TRIOBP: variants seen among roughly 807,000 people sequenced by gnomAD.
The protein encoded by TRIOBP is TRIO and F-actin-binding protein.
TRIOBP carries 169 observed loss-of-function variants against 238.8 expected under a neutral mutation model. That is an observed-to-expected ratio of 0.71 (90% CI 0.62 to 0.80). The LOEUF is 0.80. TRIOBP is among the 30% of genes least tolerant of loss of function. The probability of loss-of-function intolerance (pLI) is 0.00; values close to 1 mark genes in which losing one functional copy is unlikely to be tolerated. For missense variants in TRIOBP, 2,838 were observed against 3,122.6 expected (o/e 0.91, Z 2.17); for synonymous variants, 1,150 against 1,274.4 (o/e 0.90, Z 2.08).
intron 11 of TRIOBP, among the ~76,000 whole-genome samples, chr22:37,745,882 G>A (rs1925200683): frequency 1.3e-5 from 2 of 152,138 alleles, no homozygotes; most frequent in South Asian, 4.1e-4. Context: ...CGCAGCCTGG[G>A]CGAGTCGTGC....
At chr22:37,737,925 T>C (rs1924752377) in intron 9 of TRIOBP, among the ~76,000 whole-genome samples, 1 of 152,192 alleles carries the variant, frequency 6.6e-6, no homozygotes, top group South Asian at 2.1e-4. Context: ...TTGCTTCCAT[T>C]TGTCCATGCA....
rs187152806 is a variant in TRIOBP at position 37,773,055 on chromosome 22, G to A, written c.*2+291G>A. Among the ~76,000 whole-genome samples, 74 of 152,296 alleles carry A rather than the reference G, an allele frequency of 4.9e-4. No individual in the cohort carries two copies. In the East Asian group the frequency reaches 0.013, roughly 28 times the overall value. On this transcript the variant is annotated intron_variant, in intron 23 of 23. Transcript: ENST00000644935. ...TCTTGGGGCTGGAGGCAAATGCAGC[G>A]TGCACATCCCTGACCCCCACAGTGA...
Position 37,769,282 on chromosome 22 carries a change from A to T in TRIOBP, c.6756A>T (p.Ser2252=). ...CCCAGGAGCTGCATGGCCGCCTGTC[A>T]GAGGAGATAGACCAGCTGCGCGGCT... ...RHNQELHGRL[S]EEIDQLRGFI... The change falls in exon 21 of 24, where the codon TCA becomes TCT. Residue 2252 remains serine, a synonymous_variant. Transcript: ENST00000644935. The T allele has an allele frequency of 6.2e-7, 1 of 1,611,896 alleles. No individual in the cohort carries two copies. Among genetic ancestry groups the T allele is most frequent in the Admixed American group, 1.7e-5 (1 of 59,918 alleles).
chr22:37,763,985 G>A (rs1458072366), intron 17 of TRIOBP, among the ~76,000 whole-genome samples: 1 of 152,196 alleles, frequency 6.6e-6, no homozygotes. Context: ...GCCTGCAGAG[G>A]GGAAGTCGAG....
intron 11 of TRIOBP, chr22:37,750,648 A>G (rs772882648): frequency 1.1e-5 from 5 of 471,036 alleles, no homozygotes; most frequent in Admixed American, 4.7e-5. Flanking sequence ...ACAGGTATAC[A>G]GGGAGGGGCT....
Position 37,723,557 on chromosome 22 carries a change from C to T in TRIOBP, c.1001C>T (p.Ser334Phe), listed in dbSNP as rs915187940. 1 of 1,614,090 alleles carries T rather than the reference C, an allele frequency of 6.2e-7. No homozygotes were observed. Among genetic ancestry groups the T allele is most frequent in the East Asian group, 2.2e-5 (1 of 44,876 alleles). ...STQEDTPRAS[S>F]TQWNTPRASS... ...CAAGAGGACACCCCCAGGGCCTCAT[C>T]TACACAGTGGAACACCCCCAGAGCT... The change falls in exon 7 of 24, where the codon TCT becomes TTT. Residue 334 changes from serine to phenylalanine, a missense_variant. Physicochemically the swap from Ser to Phe is radical, Grantham distance 155. Transcript: ENST00000644935.
rs763001493 is a variant in TRIOBP, at chr22:37,734,982, G to A, written c.4646G>A (p.Arg1549His). The A allele has an allele frequency of 3.1e-6, 5 of 1,613,344 alleles. No individual in the cohort carries two copies. Among genetic ancestry groups the A allele is most frequent in the East Asian group, 2.2e-5 (1 of 44,894 alleles). The change falls in exon 9 of 24, where the codon CGT (arginine) becomes CAT (histidine). Residue 1549 changes from arginine to histidine, a missense_variant. Arg to His is a conservative substitution (Grantham distance 29, BLOSUM62 0). Coordinates refer to ENST00000644935, the MANE Select transcript of TRIOBP (RefSeq NM_001039141.3). ...GCAGAGGGAGCGTGTCCATACCCGCGTGGCTCTGAGAGGCGACCCGAGCTT... is the reference window on the plus strand; with the variant it reads ...GCAGAGGGAGCGTGTCCATACCCGCATGGCTCTGAGAGGCGACCCGAGCTT... ...WGAEGACPYPRGSERRPELDW... is the reference protein window; with the variant it reads ...WGAEGACPYPHGSERRPELDW...
chr22:37,738,593 A>C (rs1242392236), intron 9 of TRIOBP, 49 bp from the exon 10 acceptor site: 1 of 1,578,440 alleles, frequency 6.3e-7, no homozygotes, highest in Non-Finnish European at 8.7e-7. Context: ...AGATGCATGC[A>C]TCCTGGAGAA....
intron 23 of TRIOBP, 93 bp downstream of exon 23, chr22:37,772,857 C>T: frequency 1.4e-6 from 2 of 1,468,722 alleles, no homozygotes; most frequent in Non-Finnish European, 1.9e-6. Flanking sequence ...AGGCCACTTC[C>T]TTCTTCTGGC....
intron 6 of TRIOBP, among the ~76,000 whole-genome samples, chr22:37,717,088 A>G (rs4821697): frequency 0.8 from 122,316 of 152,098 alleles, 51,461 homozygotes; most frequent in East Asian, 1. Flanking sequence ...TGATGTTCGG[A>G]TGTGTTTGGA....
intron 9 of TRIOBP, among the ~76,000 whole-genome samples, chr22:37,737,569 G>A (rs1197946765): frequency 6.6e-6 from 1 of 150,818 alleles, no homozygotes; most frequent in African/African-American, 2.4e-5. Context: ...GCTAAGACAG[G>A]AGAATGGTGT....
At chr22:37,759,117 G>T in intron 16 of TRIOBP, 37 bp from the exon 17 acceptor site, 2 of 1,558,036 alleles carry the variant, frequency 1.3e-6, no homozygotes, top group East Asian at 2.3e-5. Flanking sequence ...CCCTGCCCCA[G>T]CTTCCAGGTC....
chr22:37,723,471 C>T lies in TRIOBP; in HGVS notation c.915C>T (p.Thr305=), dbSNP rs2145832215. 1 of 1,613,500 alleles carries T rather than the reference C, an allele frequency of 6.2e-7. No homozygotes were observed. The highest frequency in any genetic ancestry group is 8.5e-7 in the Non-Finnish European group (1 of 1,179,834). The change falls in exon 7 of 24, where the codon ACC becomes ACT. Residue 305 remains threonine, a synonymous_variant. Transcript: ENST00000644935. ...TQQEISRASS[T]QQETSRASST... ...AGGAAATCTCCAGGGCCTCATCCACCCAACAGGAAACCTCCAGGGCCTCAT... is the reference window on the plus strand; with the variant it reads ...AGGAAATCTCCAGGGCCTCATCCACTCAACAGGAAACCTCCAGGGCCTCAT...
At chr22:37,722,211 G>T (rs1237759326) in intron 6 of TRIOBP, among the ~76,000 whole-genome samples, 1 of 152,058 alleles carries the variant, frequency 6.6e-6, no homozygotes, top group Non-Finnish European at 1.5e-5. Flanking sequence ...CAAAAAAACA[G>T]GGGCTTTCTA....
At chr22:37,765,397 G>T (rs953313627) in intron 17 of TRIOBP, among the ~76,000 whole-genome samples, 5 of 152,184 alleles carry the variant, frequency 3.3e-5, no homozygotes, top group African/African-American at 1.2e-4. Flanking sequence ...AGAAAGGCCA[G>T]GGATGAGAAC....
chr22:37,767,382 C>T (rs1034380145), intron 18 of TRIOBP, among the ~76,000 whole-genome samples: 1 of 151,902 alleles, frequency 6.6e-6, no homozygotes, highest in Non-Finnish European at 1.5e-5. Context: ...TGGGTAAAAC[C>T]ATGGGTGGCC....
In TRIOBP at chr22:37,758,040, C is replaced by G. The variant is rs749801282; in HGVS notation, c.6115C>G (p.Arg2039Gly). 1 of 1,611,812 alleles carries G rather than the reference C, an allele frequency of 6.2e-7. No homozygotes were observed. The highest frequency in any genetic ancestry group is 1.7e-5 in the Admixed American group (1 of 59,934). Residue 2039 changes from arginine (R) to glycine (G), a missense_variant, in exon 16 of 24, where the codon CGG becomes GGG. Physicochemically the swap from Arg to Gly is moderately radical, Grantham distance 125 (BLOSUM62 -2). Around this residue, in one of 5 missense-constraint regions of TRIOBP, gnomAD observed 2,096 missense variants for 2,137.4 expected, o/e 0.98. Coordinates refer to ENST00000644935, the MANE Select transcript of TRIOBP (RefSeq NM_001039141.3). Reference protein sequence around the residue: ...KWQELEKLPLRENKRVPLTAL... With the variant: ...KWQELEKLPLGENKRVPLTAL... ...GCAGGAGCTGGAGAAGCTGCCCCTG[C>G]GGGAGAATAAGCGGGTGCCCCTCAC...
Position 37,765,822 on chromosome 22 carries a change from G to T in TRIOBP, c.6472+5G>T, listed in dbSNP as rs1288391450. On this transcript the variant is annotated splice_donor_5th_base_variant and intron_variant, in intron 18 of 23. Transcript: ENST00000644935. ...AGACGGCAGCCACGGCCTCAGGTAT[G>T]GACCCTGGGGGGGGCACAGTGGGCT... is the stretch of plus-strand genomic sequence containing the variant. 6.6e-7 allele frequency: 1 copy of T among 1,518,036 alleles called. No homozygotes were observed. Among genetic ancestry groups the T allele is most frequent in the East Asian group, 2.4e-5 (1 of 41,562 alleles). 94.0% of individuals were successfully genotyped at this position (1,518,036 alleles called of 1,614,324 possible).
intron 7 of TRIOBP, among the ~76,000 whole-genome samples, chr22:37,730,399 A>G (rs1924366374): frequency 6.6e-6 from 1 of 152,148 alleles, no homozygotes; most frequent in Admixed American, 6.5e-5. Context: ...CTCAGGAGGA[A>G]TGCTCATCAA....
Sources: gnomAD v4.1 joint callset for allele counts (sites outside exome capture counted in the v4.1 genomes callset) on GRCh38, gnomAD v4.1.1 for gene constraint, gnomAD v4.1.1 regional missense constraint, MANE v1.5 for transcripts, NCBI Gene and HGNC (gene_info 2026-07-23, HGNC 2026-07-21) for gene names.